Variants in RNF128 observed in about 807,000 individuals in gnomAD.
RNF128 encodes E3 ubiquitin-protein ligase RNF128.
Under a neutral mutation model 26.2 loss-of-function variants are expected in RNF128, and 13 were observed. That is an observed-to-expected ratio of 0.50 (90% CI 0.32 to 0.79). The LOEUF (loss-of-function observed/expected upper bound fraction) is 0.79, where lower values mean the gene tolerates loss of function less well. Ranked by LOEUF, RNF128 falls within the 30% of genes least tolerant of loss-of-function variation. The pLI, the probability that RNF128 is intolerant of heterozygous loss-of-function variation, is 0.03. For synonymous variants in RNF128, 149 were observed against 142.5 expected, an observed-to-expected ratio of 1.05 and a Z score of -0.32; for missense variants, 315 against 349.7, an observed-to-expected ratio of 0.90 and a Z score of 0.79.
intron 1 of RNF128, among the ~76,000 whole-genome samples, chrX:106,711,422 G>A (rs1302156056): frequency 8.9e-6 from 1 of 112,081 alleles, no homozygotes; most frequent in Non-Finnish European, 1.9e-5. Flanking sequence ...GGATCTCGAC[G>A]GTTTTTTAAA....
chrX:106,715,543 G>T (rs1452882084), intron 1 of RNF128, among the ~76,000 whole-genome samples: 2 of 111,777 alleles, frequency 1.8e-5, no homozygotes, highest in South Asian at 7.6e-4. Flanking sequence ...TCTTACCCCA[G>T]TGAAGATGTT....
chrX:106,703,941 T>TA (rs1397822803), intron 1 of RNF128, among the ~76,000 whole-genome samples: 2 of 110,295 alleles, frequency 1.8e-5, no homozygotes, highest in Non-Finnish European at 3.8e-5. Flanking sequence ...TTCCTGAAGT[T>TA]AAACCACACT....
chrX:106,768,429 C>T (rs1930295341), intron 1 of RNF128, among the ~76,000 whole-genome samples: 1 of 111,448 alleles, frequency 9.0e-6, no homozygotes, highest in African/African-American at 3.3e-5. Context: ...CAACTTCTTC[C>T]TGGTTTAGTC....
At chrX:106,699,958 G>T (rs1009099138) in intron 1 of RNF128, among the ~76,000 whole-genome samples, 1 of 107,587 alleles carries the variant, frequency 9.3e-6, no homozygotes. Flanking sequence ...AAACCTTCAG[G>T]TCGTTCTTGT....
At chrX:106,769,104 T>C (rs1034343329) in intron 1 of RNF128, among the ~76,000 whole-genome samples, 7 of 112,222 alleles carry the variant, frequency 6.2e-5, no homozygotes, top group Non-Finnish European at 1.1e-4. Context: ...TCTGTTCTTT[T>C]ACATTTGCTG....
chrX:106,786,313 C>A (rs1435271561), intron 3 of RNF128, among the ~76,000 whole-genome samples: 2 of 111,471 alleles, frequency 1.8e-5, no homozygotes, highest in Non-Finnish European at 3.8e-5. Context: ...AAAAGCAATT[C>A]AATGAAGAAA....
intron 6 of RNF128, among the ~76,000 whole-genome samples, 184 bp from the exon 7 acceptor site, chrX:106,795,396 T>C (rs1930897856): frequency 8.9e-6 from 1 of 111,776 alleles, no homozygotes; most frequent in African/African-American, 3.2e-5. Context: ...AATATAATAA[T>C]GCCATATGTG....
chrX:106,786,338 G>T (rs1930658347), intron 3 of RNF128, among the ~76,000 whole-genome samples: 1 of 111,195 alleles, frequency 9.0e-6, no homozygotes, highest in Non-Finnish European at 1.9e-5. Context: ...AGCCTTTTCA[G>T]GAGGATAGCC....
intron 1 of RNF128, among the ~76,000 whole-genome samples, chrX:106,695,294 T>G (rs1043493481): frequency 2.7e-5 from 3 of 110,947 alleles, no homozygotes; most frequent in Non-Finnish European, 5.7e-5. Flanking sequence ...AAAATTTTGA[T>G]AATTGGTGTT....
intron 1 of RNF128, among the ~76,000 whole-genome samples, chrX:106,769,270 G>C (rs1930318356): frequency 1.8e-5 from 2 of 111,231 alleles, no homozygotes; most frequent in African/African-American, 6.6e-5. Context: ...GGATATCCTT[G>C]TTAACTTACT....
At chrX:106,732,328 G>A (rs1929515243) in intron 1 of RNF128, among the ~76,000 whole-genome samples, 1 of 111,570 alleles carries the variant, frequency 9.0e-6, no homozygotes, top group Non-Finnish European at 1.9e-5. Context: ...CATTTTGCTG[G>A]TAATTATTTG....
At chrX:106,715,039 A>G (rs5962734) in intron 1 of RNF128, among the ~76,000 whole-genome samples, 12,506 of 111,432 alleles carry the variant, frequency 0.11, 1,712 homozygotes, top group African/African-American at 0.39. Context: ...CTGTGAATGT[A>G]ATTTTTCATT....
upstream of RNF128, among the ~76,000 whole-genome samples, chrX:106,723,427 C>T (rs1001890559): frequency 6.3e-5 from 7 of 110,646 alleles, no homozygotes; most frequent in Admixed American, 4.8e-4. Context: ...ATTAGCCGGG[C>T]ATGGTGGCAC....
chrX:106,735,807 T>C (rs1397080367), intron 1 of RNF128, among the ~76,000 whole-genome samples: 1 of 111,549 alleles, frequency 9.0e-6, no homozygotes, highest in Non-Finnish European at 1.9e-5. Context: ...TTCATGTGCC[T>C]TGACGACTAA....
chrX:106,748,589 C>T (rs186938819), intron 1 of RNF128, among the ~76,000 whole-genome samples: 111 of 111,734 alleles, frequency 9.9e-4, no homozygotes, highest in African/African-American at 3.6e-3. Flanking sequence ...TACTATACAG[C>T]CTTAAAAAAT....
intron 4 of RNF128, among the ~76,000 whole-genome samples, chrX:106,788,405 A>G (rs1334160016): frequency 2.0e-4 from 9 of 44,089 alleles, no homozygotes; most frequent in East Asian, 1.9e-3. Flanking sequence ...ATTATATATA[A>G]TATATAATAT....
intron 4 of RNF128, among the ~76,000 whole-genome samples, chrX:106,788,335 T>A (rs1380012281): frequency 1.8e-5 from 1 of 54,462 alleles, no homozygotes; most frequent in Non-Finnish European, 3.0e-5. Flanking sequence ...TTATATATAC[T>A]ATATATAATA....
intron 1 of RNF128, among the ~76,000 whole-genome samples, chrX:106,694,869 T>G (rs1928850806): frequency 9.0e-6 from 1 of 111,694 alleles, no homozygotes; most frequent in African/African-American, 3.2e-5. Context: ...GTTATAGAAA[T>G]GAGAACTTGA....
intron 1 of RNF128, among the ~76,000 whole-genome samples, chrX:106,764,714 G>C (rs1323493326): frequency 9.0e-6 from 1 of 111,579 alleles, no homozygotes; most frequent in African/African-American, 3.3e-5. Flanking sequence ...CTTATTAGCA[G>C]TACACATCTG....
Sources: gnomAD v4.1 joint callset for allele counts (sites outside exome capture counted in the v4.1 genomes callset) on GRCh38, gnomAD v4.1.1 for gene constraint, MANE v1.5 for transcripts, NCBI Gene and HGNC (gene_info 2026-07-23, HGNC 2026-07-21) for gene names.